THSD7A: variants seen among roughly 807,000 people sequenced by gnomAD.
THSD7A encodes thrombospondin type 1 domain containing 7A, also known as thrombospondin type-1 domain-containing protein 7A.
In THSD7A, 96 loss-of-function variants were observed where a neutral mutation model predicts 231.3. That is an observed-to-expected ratio of 0.41 (90% confidence interval 0.35 to 0.49). The LOEUF (loss-of-function observed/expected upper bound fraction) is 0.49, where lower values mean the gene tolerates loss of function less well. THSD7A is among the 20% of genes least tolerant of loss of function. The pLI is 0.05. For synonymous variants in THSD7A, 940 were observed against 743.3 expected (o/e 1.26, Z -4.30); for missense variants, 2,290 against 2,070.2 (o/e 1.11, Z -2.06).
intron 1 of THSD7A, among the ~76,000 whole-genome samples, chr7:11,696,859 G>T (rs187405325): frequency 2.0e-5 from 3 of 151,498 alleles, no homozygotes; most frequent in Admixed American, 2.0e-4. Context: ...AATATAGAAA[G>T]AACATATCTA....
intron 6 of THSD7A, among the ~76,000 whole-genome samples, chr7:11,509,206 G>C (rs2128312789): frequency 6.6e-6 from 1 of 152,008 alleles, no homozygotes. Flanking sequence ...ATATTCCACT[G>C]GGAACAAAAC....
intron 23 of THSD7A, among the ~76,000 whole-genome samples, chr7:11,392,530 C>G (rs796935098): frequency 6.8e-6 from 1 of 147,752 alleles, no homozygotes; most frequent in African/African-American, 2.4e-5. Flanking sequence ...CCAGCAGGAC[C>G]GAACTATTCA....
At chr7:11,563,321 G>A (rs1416918951) in intron 4 of THSD7A, among the ~76,000 whole-genome samples, 1 of 152,044 alleles carries the variant, frequency 6.6e-6, no homozygotes, top group African/African-American at 2.4e-5. Flanking sequence ...AAAGCTCCCT[G>A]CCAGTCCTTT....
intron 1 of THSD7A, among the ~76,000 whole-genome samples, chr7:11,784,492 C>T (rs2128175785): frequency 6.6e-6 from 1 of 151,942 alleles, no homozygotes; most frequent in East Asian, 1.9e-4. Context: ...CTGCATTAAA[C>T]TTAATTTCTT....
rs929748771 is a variant in THSD7A at position 11,767,972 on chromosome 7, G to T, written c.190+63785C>A. 2.0e-5 allele frequency among the ~76,000 whole-genome samples: 3 copies of T among 152,012 alleles called. No individual in the cohort carries two copies. The East Asian group carries it at 5.8e-4, about 29-fold the overall frequency. On this transcript the variant is annotated intron_variant, in intron 1 of 27. Coordinates refer to ENST00000423059, the MANE Select transcript of THSD7A (RefSeq NM_015204.3). The stretch of plus-strand genomic sequence containing the variant: ...ACAATATGAATGAGGAGCTGAAAAG[G>T]GATCAAAATAAATATATTAGCTATT...
intron 6 of THSD7A, among the ~76,000 whole-genome samples, chr7:11,500,257 C>CT (rs1787276588): frequency 1.3e-5 from 2 of 152,236 alleles, no homozygotes; most frequent in South Asian, 4.2e-4. Context: ...AAATAAGATG[C>CT]TTTTCAGATA....
chr7:11,399,783 C>A (rs1783329009), intron 23 of THSD7A, among the ~76,000 whole-genome samples: 1 of 152,130 alleles, frequency 6.6e-6, no homozygotes, highest in Non-Finnish European at 1.5e-5. Flanking sequence ...ACTAGAAATA[C>A]CATTTGACCC....
chr7:11,578,939 C>G (rs900779820), intron 4 of THSD7A, among the ~76,000 whole-genome samples: 8 of 152,110 alleles, frequency 5.3e-5, no homozygotes, highest in African/African-American at 1.9e-4. Flanking sequence ...AGAGGTACAA[C>G]CAGTGCATAT....
chr7:11,511,507 G>A (rs1259302339), intron 6 of THSD7A, among the ~76,000 whole-genome samples: 1 of 152,158 alleles, frequency 6.6e-6, no homozygotes, highest in African/African-American at 2.4e-5. Context: ...CAAAGCTGGA[G>A]GCATCACGCT....
At chr7:11,382,123 C>T (rs2115301617) in intron 24 of THSD7A, among the ~76,000 whole-genome samples, 1 of 152,116 alleles carries the variant, frequency 6.6e-6, no homozygotes, top group East Asian at 1.9e-4. Flanking sequence ...TATTCCCTTG[C>T]TGGTATTTTT....
chr7:11,584,568 T>C (rs986879663), intron 4 of THSD7A, among the ~76,000 whole-genome samples: 29 of 152,236 alleles, frequency 1.9e-4, no homozygotes, highest in African/African-American at 6.7e-4. Context: ...ATAGTTATCT[T>C]CAGGCAAATA....
At chr7:11,510,952 A>G (rs993162717) in intron 6 of THSD7A, among the ~76,000 whole-genome samples, 11 of 151,878 alleles carry the variant, frequency 7.2e-5, no homozygotes, top group African/African-American at 2.4e-4. Flanking sequence ...GGCAGGAGCA[A>G]CAAATAAAGG....
At chr7:11,759,322 A>G (rs1782781865) in intron 1 of THSD7A, among the ~76,000 whole-genome samples, 1 of 152,130 alleles carries the variant, frequency 6.6e-6, no homozygotes, top group Admixed American at 6.6e-5. Flanking sequence ...AACCAATGAA[A>G]TGATCACAAC....
At position 11,636,053 on chromosome 7, in the gene THSD7A, A is replaced by G. The variant is rs1781829520; in HGVS notation, c.1022+77T>C. On this transcript the variant is annotated intron_variant, in intron 2 of 27. Coordinates refer to ENST00000423059, the MANE Select transcript of THSD7A (RefSeq NM_015204.3). This position sits in a 1 kb window ranked among gnomAD's most constrained non-coding sequence, Gnocchi z 10.0. ...GCCCCTACGTAATCCAGAAGTTATT[A>G]GATAGTACCGGATATCTTAGGTACT... is the stretch of plus-strand genomic sequence containing the variant. 1 of 1,337,916 alleles carries G rather than the reference A, an allele frequency of 7.5e-7. No individual in the cohort carries two copies. Among genetic ancestry groups the G allele is most frequent in the African/African-American group, 1.5e-5 (1 of 68,064 alleles). 82.9% of individuals were successfully genotyped at this position (1,337,916 alleles called of 1,614,324 possible).
At position 11,636,931 on chromosome 7, in the gene THSD7A, C is replaced by T. The variant is rs1781886752; in HGVS notation, c.221G>A (p.Cys74Tyr). ...GPWGRCMGDE[C>Y]GPGGIQTRAV... ...CCTCGTTTGGATGCCTCCGGGACCA[C>T]ATTCATCTCCCATACATCGGCCCCA... Residue 74 changes from cysteine to tyrosine, a missense_variant, in exon 2 of 28, where the codon TGT becomes TAT. Physicochemically the swap from Cys to Tyr is radical, Grantham distance 194. Transcript: ENST00000423059. The surrounding 1 kb of genome is among the most constrained non-coding windows in gnomAD (Gnocchi z 10.0). The T allele has an allele frequency of 1.9e-6, 3 of 1,611,686 alleles. No homozygotes were observed. Among genetic ancestry groups the T allele is most frequent in the Non-Finnish European group, 2.5e-6 (3 of 1,179,412 alleles).
intron 6 of THSD7A, among the ~76,000 whole-genome samples, chr7:11,518,760 G>T (rs1228694843): frequency 6.6e-6 from 1 of 152,146 alleles, no homozygotes; most frequent in Non-Finnish European, 1.5e-5. Flanking sequence ...GTGGTTTCCA[G>T]AAATGTACAA....
At chr7:11,731,743 CT>C (rs1306058514) in intron 1 of THSD7A, among the ~76,000 whole-genome samples, 3 of 151,590 alleles carry the variant, frequency 2.0e-5, no homozygotes, top group African/African-American at 7.2e-5. Flanking sequence ...AAGGTATAGA[CT>C]AAATCTCACA....
intron 4 of THSD7A, among the ~76,000 whole-genome samples, chr7:11,586,832 A>G (rs1779930012): frequency 6.6e-6 from 1 of 152,044 alleles, no homozygotes; most frequent in African/African-American, 2.4e-5. Context: ...CTATCTTCCC[A>G]TTGATCCTCC....
chr7:11,373,929 T>TTTGAG lies in THSD7A; in HGVS notation c.*1860_*1864dup, dbSNP rs1230699380. The TTTGAG allele has an allele frequency of 6.6e-6, 1 of 152,172 alleles. No homozygotes were observed. The highest frequency in any genetic ancestry group is 2.4e-5 in the African/African-American group (1 of 41,560). 9.4% of individuals were successfully genotyped at this position (152,172 alleles called of 1,614,324 possible). On this transcript the variant is annotated 3_prime_UTR_variant, in exon 28 of 28. Transcript: ENST00000423059. ...ATGGTATTGCTTTTTAATGGCACCT[T>TTTGAG]TTGAGTTTTCTTTTCATTTGCAAGA...
Sources: allele counts gnomAD v4.1 joint callset (sites outside exome capture counted in the v4.1 genomes callset), GRCh38; gene constraint gnomAD v4.1.1; non-coding constraint Gnocchi (gnomAD v3.1); transcripts MANE v1.5; gene names NCBI Gene and HGNC (gene_info 2026-07-23, HGNC 2026-07-21).